Variants in PELI1 observed in about 807,000 individuals in gnomAD.
The protein encoded by PELI1 is pellino E3 ubiquitin protein ligase 1.
In PELI1, 15 loss-of-function variants were observed where a neutral mutation model predicts 41.3. The observed-to-expected ratio is 0.36, with a 90% CI of 0.24 to 0.56. The LOEUF is 0.56. Ranked by LOEUF, PELI1 falls within the 20% of genes least tolerant of loss-of-function variation. The probability of loss-of-function intolerance (pLI) is 0.82; values close to 1 mark genes in which losing one functional copy is unlikely to be tolerated. For synonymous variants in PELI1, 178 were observed against 180.1 expected, an observed-to-expected ratio of 0.99 and a Z score of 0.09; for missense variants, 403 against 525.5, an observed-to-expected ratio of 0.77 and a Z score of 2.28.
intron 2 of PELI1, among the ~76,000 whole-genome samples, chr2:64,105,808 C>T (rs182519361): frequency 5.3e-5 from 8 of 152,256 alleles, no homozygotes; most frequent in Non-Finnish European, 1.0e-4. Context: ...CCTGCCCCCG[C>T]CCCCTGACAA....
At position 64,096,747 on chromosome 2, in the gene PELI1, G is replaced by A. The variant is rs1318991243; in HGVS notation, c.304-137C>T. On this transcript the variant is annotated intron_variant, in intron 4 of 6. Coordinates refer to ENST00000358912, the MANE Select transcript of PELI1 (RefSeq NM_020651.4). ...GAAGTTTACCATACTTAACGCTGGG[G>A]GCATCTATACTCTTGAAAACTAATC... 3 of 600,278 alleles carry A rather than the reference G, an allele frequency of 5.0e-6. No individual in the cohort carries two copies. The Admixed American group carries it at 8.8e-5, about 18-fold the overall frequency. 37.2% of individuals were successfully genotyped at this position (600,278 alleles called of 1,614,324 possible). A position where few individuals can be genotyped will look rare whatever the true frequency, so the allele number is the denominator to read the frequency against.
chr2:64,111,707 G>T lies in PELI1; in HGVS notation c.-69-3328C>A, dbSNP rs543300936. Among the ~76,000 whole-genome samples, 33 of 152,192 alleles carry T rather than the reference G, an allele frequency of 2.2e-4. No individual in the cohort carries two copies. The South Asian group carries it at 6.8e-3, about 32-fold the overall frequency. On this transcript the variant is annotated intron_variant, in intron 1 of 6. Coordinates refer to ENST00000358912, the MANE Select transcript of PELI1 (RefSeq NM_020651.4). Reference sequence around the variant, plus strand: ...TTCAAGGTAAAAACTGAAGTTTCAAGAACAATTAAATCAACCAAAGAATAA... The same window carrying T: ...TTCAAGGTAAAAACTGAAGTTTCAATAACAATTAAATCAACCAAAGAATAA...
chr2:64,103,542 T>A lies in PELI1; in HGVS notation c.201+1159A>T, dbSNP rs111418853. On this transcript the variant is annotated intron_variant, in intron 3 of 6. Transcript: ENST00000358912. ...CCTCAGATTCAATCAATCTGAGGTT[T>A]ACTTCCACCACCTGCTTAGTATATT... Among the ~76,000 whole-genome samples, 1,302 of 152,278 alleles carry A rather than the reference T, an allele frequency of 8.6e-3. 9 individuals are homozygous for A. The highest frequency in any genetic ancestry group is 0.012 in the Non-Finnish European group (849 of 68,008).
chr2:64,104,473 T>C (rs1680551282), intron 3 of PELI1: 2 of 486,564 alleles, frequency 4.1e-6, no homozygotes, highest in East Asian at 4.1e-5. Context: ...TGTTTCCTTC[T>C]AATTTCCACC....
At chr2:64,140,934 T>C (rs1430990531) in intron 1 of PELI1, among the ~76,000 whole-genome samples, 4 of 151,504 alleles carry the variant, frequency 2.6e-5, no homozygotes, top group Admixed American at 2.6e-4. Flanking sequence ...CACTTAAAAC[T>C]AAGAAAATAT....
chr2:64,094,851 C>T lies in PELI1; in HGVS notation c.1108G>A (p.Val370Met). The change falls in exon 7 of 7, where the codon GTG (valine) becomes ATG (methionine). Residue 370 changes from valine (V) to methionine (M), a missense_variant. Transcript: ENST00000358912. ...TAGGCAGTTGTCTTTTCTGAACACA[C>T]ATGCCCACACGGGCTAAACGCATGG... is the stretch of plus-strand genomic sequence containing the variant. ...PTHAFSPCGH[V>M]CSEKTTAYWS... 1 of 1,614,200 alleles carries T rather than the reference C, an allele frequency of 6.2e-7. No homozygotes were observed. Among genetic ancestry groups the T allele is most frequent in the Non-Finnish European group, 8.5e-7 (1 of 1,180,048 alleles).
At chr2:64,120,315 T>C (rs966567565) in intron 1 of PELI1, among the ~76,000 whole-genome samples, 1 of 152,234 alleles carries the variant, frequency 6.6e-6, no homozygotes, top group Admixed American at 6.5e-5. Flanking sequence ...TGTTTTCTTA[T>C]AGTGAATGGT....
intron 1 of PELI1, 49 bp downstream of exon 1, chr2:64,144,032 C>G (rs1682020279): frequency 6.6e-6 from 1 of 151,680 alleles, no homozygotes; most frequent in South Asian, 2.1e-4. Flanking sequence ...CCGCGCCCCT[C>G]GGCGGCCCCG....
At chr2:64,127,442 G>A (rs2103729569) in intron 1 of PELI1, among the ~76,000 whole-genome samples, 1 of 152,300 alleles carries the variant, frequency 6.6e-6, no homozygotes, top group South Asian at 2.1e-4. Context: ...TGCTTTAGTA[G>A]ATCATAACAT....
rs77123175 is a variant in PELI1 at position 64,115,295 on chromosome 2, A to C, written c.-69-6916T>G. Among the ~76,000 whole-genome samples the C allele has an allele frequency of 5.0e-4, 76 of 152,260 alleles. 1 individual carries two copies. The East Asian group carries it at 0.014, about 28-fold the overall frequency. ...TGGAGGCTAGATAAGTATCTTCTGGACTAAGGGGCCCATATTTAGAAAAAT... is the reference window on the plus strand; with the variant it reads ...TGGAGGCTAGATAAGTATCTTCTGGCCTAAGGGGCCCATATTTAGAAAAAT... On this transcript the variant is annotated intron_variant, in intron 1 of 6. Transcript: ENST00000358912.
At chr2:64,134,559 C>T (rs143941880) in intron 1 of PELI1, among the ~76,000 whole-genome samples, 5 of 152,226 alleles carry the variant, frequency 3.3e-5, no homozygotes, top group East Asian at 1.9e-4. Flanking sequence ...ACAAAAGATA[C>T]GTATTTAACA....
rs530270053 is a variant in PELI1, at chr2:64,097,126, T to C, written c.304-516A>G. On this transcript the variant is annotated intron_variant, in intron 4 of 6. Coordinates refer to ENST00000358912, the MANE Select transcript of PELI1 (RefSeq NM_020651.4). Reference sequence around the variant, plus strand: ...AGGTATACAAGGCTGCTGGTCCTTATGTCAAGGGCTTACACAGCCTTGCTT... The same window carrying C: ...AGGTATACAAGGCTGCTGGTCCTTACGTCAAGGGCTTACACAGCCTTGCTT... Among the ~76,000 whole-genome samples, 147 of 152,352 alleles carry C rather than the reference T, an allele frequency of 9.6e-4. No individual in the cohort carries two copies. In the Middle Eastern group the frequency reaches 0.01, roughly 11 times the overall value.
chr2:64,128,861 A>G (rs1278032707), intron 1 of PELI1, among the ~76,000 whole-genome samples: 1 of 152,198 alleles, frequency 6.6e-6, no homozygotes. Context: ...AATTCAAATG[A>G]GATCCTAATT....
intron 1 of PELI1, among the ~76,000 whole-genome samples, chr2:64,117,706 A>C (rs1399878579): frequency 6.6e-6 from 1 of 152,204 alleles, no homozygotes; most frequent in Non-Finnish European, 1.5e-5. Flanking sequence ...TACTCTAATG[A>C]AAAAAGGTTT....
intron 6 of PELI1, 55 bp from the exon 7 acceptor site, chr2:64,095,323 A>T (rs934533697): frequency 1.5e-6 from 2 of 1,299,748 alleles, no homozygotes; most frequent in Non-Finnish European, 2.2e-6. Context: ...GGATTTTTAC[A>T]TAAGTGTTTT....
intron 1 of PELI1, among the ~76,000 whole-genome samples, chr2:64,110,990 G>A (rs1331401360): frequency 4.6e-5 from 7 of 151,478 alleles, no homozygotes; most frequent in East Asian, 1.9e-4. Context: ...CTGATCAGCC[G>A]GAAAATCACA....
At chr2:64,099,836 T>C (rs1245495798) in intron 4 of PELI1, among the ~76,000 whole-genome samples, 1 of 152,158 alleles carries the variant, frequency 6.6e-6, no homozygotes, top group Non-Finnish European at 1.5e-5. Flanking sequence ...CAGCACTGGA[T>C]TGGTACAAAA....
At position 64,093,217 on chromosome 2, in the gene PELI1, A is replaced by G. The variant is rs747470542; in HGVS notation, c.*1485T>C. The stretch of plus-strand genomic sequence containing the variant: ...CAACAAGTTTTGTTTTTTAAAAACC[A>G]AAAGAAAATTCAGAACAGTTTTGTA... On this transcript the variant is annotated 3_prime_UTR_variant, in exon 7 of 7. Coordinates refer to ENST00000358912, the MANE Select transcript of PELI1 (RefSeq NM_020651.4). 1 of 152,684 alleles carries G rather than the reference A, an allele frequency of 6.5e-6. No homozygotes were observed. Among genetic ancestry groups the G allele is most frequent in the African/African-American group, 2.4e-5 (1 of 41,474 alleles). 9.5% of individuals were successfully genotyped at this position (152,684 alleles called of 1,614,324 possible).
intron 1 of PELI1, among the ~76,000 whole-genome samples, chr2:64,135,048 C>T (rs17028509): frequency 0.02 from 3,065 of 152,108 alleles, 95 homozygotes; most frequent in African/African-American, 0.069. Flanking sequence ...CAAAGAGATG[C>T]TCAACAGAAG....
Sources: gnomAD v4.1 joint callset for allele counts (sites outside exome capture counted in the v4.1 genomes callset) on GRCh38, gnomAD v4.1.1 for gene constraint, MANE v1.5 for transcripts, NCBI Gene and HGNC (gene_info 2026-07-23, HGNC 2026-07-21) for gene names.